The following RBFOX2 variants were observed in gnomAD, a reference collection of about 807,000 sequenced individuals.
RBFOX2 encodes the protein RNA binding fox-1 homolog 2.
Under a neutral mutation model 49.1 loss-of-function variants are expected in RBFOX2, and 10 were observed. The observed-to-expected ratio is 0.20, with a 90% CI of 0.13 to 0.35. RBFOX2 has a LOEUF of 0.35. Among genes scored for constraint, RBFOX2 ranks in the 10% least tolerant of loss-of-function variants. The pLI is 1.00. For missense variants in RBFOX2, 323 were observed against 486.9 expected, an observed-to-expected ratio of 0.66 and a Z score of 3.17; for synonymous variants, 183 against 187.4, an observed-to-expected ratio of 0.98 and a Z score of 0.19.
At chr22:35,833,429 G>A (rs2148707835) in intron 1 of RBFOX2, among the ~76,000 whole-genome samples, 1 of 152,224 alleles carries the variant, frequency 6.6e-6, no homozygotes, top group South Asian at 2.1e-4. Context: ...GCCAACAATG[G>A]AACTATTTAT....
intron 1 of RBFOX2, among the ~76,000 whole-genome samples, chr22:35,902,372 C>T (rs1316981719): frequency 6.6e-6 from 1 of 152,196 alleles, no homozygotes; most frequent in Non-Finnish European, 1.5e-5. Flanking sequence ...CCTGACACAA[C>T]TCCAATCCTG....
rs557860200 is a variant in RBFOX2, at chr22:35,990,873, C to T, written c.186+37367G>A. ...GCTTTTAAGGAACAGGGAATTTCAC[C>T]CAAGGGTATAGGATTTTATGTAAGC... On this transcript the variant is annotated intron_variant, in intron 1 of 13. Coordinates refer to the RBFOX2 transcript ENST00000438146. 1.6e-4 allele frequency among the ~76,000 whole-genome samples: 24 copies of T among 152,128 alleles called. 2 individuals carry two copies. In the South Asian group the frequency reaches 5.0e-3, roughly 32 times the overall value.
rs552430332 is a variant in RBFOX2 at position 35,958,832 on chromosome 22, T to C, written c.42+2731A>G. On this transcript the variant is annotated intron_variant, in intron 1 of 5. Coordinates refer to the RBFOX2 transcript ENST00000408983. ...GAATTCATAAAAGAGCTGCCTGTCA[T>C]ATCTCGTTATACTTTGATTCCTGTA... is the stretch of plus-strand genomic sequence containing the variant. Among the ~76,000 whole-genome samples, 7 of 152,316 alleles carry C rather than the reference T, an allele frequency of 4.6e-5. No individual in the cohort carries two copies. In the East Asian group the frequency reaches 1.3e-3, roughly 29 times the overall value.
intron 1 of RBFOX2, among the ~76,000 whole-genome samples, chr22:35,816,635 G>A (rs1953116034): frequency 1.3e-5 from 2 of 152,060 alleles, no homozygotes; most frequent in Non-Finnish European, 2.9e-5. Context: ...CTAAGAGTTC[G>A]CTTTTCACTT....
At chr22:36,011,679 A>AG (rs148862045) in intron 1 of RBFOX2, among the ~76,000 whole-genome samples, 20,062 of 152,072 alleles carry the variant, frequency 0.13, 2,858 homozygotes, top group African/African-American at 0.36. Flanking sequence ...CAGCTAGGAG[A>AG]GGGAGAGATT....
intron 1 of RBFOX2, among the ~76,000 whole-genome samples, chr22:36,013,996 G>A (rs896816225): frequency 1.3e-5 from 2 of 151,634 alleles, no homozygotes; most frequent in African/African-American, 2.4e-5. Context: ...GCATCACAAC[G>A]TCTGCTTATG....
At chr22:35,906,031 T>C (rs931034811) in intron 1 of RBFOX2, among the ~76,000 whole-genome samples, 8 of 152,166 alleles carry the variant, frequency 5.3e-5, no homozygotes, top group Non-Finnish European at 1.0e-4. Flanking sequence ...CAGGTATATA[T>C]CTAGGTTTGT....
exon 1 of RBFOX2, chr22:35,840,461 G>C: frequency 7.1e-7 from 1 of 1,411,546 alleles, no homozygotes; most frequent in Non-Finnish European, 9.2e-7. Context: ...GCAGATGGCT[G>C]AAGGAAGCCC....
intron 1 of RBFOX2, among the ~76,000 whole-genome samples, chr22:36,023,170 G>A (rs1256903350): frequency 6.6e-6 from 1 of 152,132 alleles, no homozygotes; most frequent in African/African-American, 2.4e-5. Flanking sequence ...ATCCACCTAT[G>A]AGGAAATAAG....
chr22:35,778,657 G>C (rs79212098), intron 3 of RBFOX2, among the ~76,000 whole-genome samples: 2 of 151,066 alleles, frequency 1.3e-5, no homozygotes, highest in Admixed American at 6.6e-5. Context: ...AAAAAAAAAA[G>C]ATGGAGTCTT....
At chr22:35,934,082 C>T (rs909686214) in intron 1 of RBFOX2, among the ~76,000 whole-genome samples, 3 of 150,428 alleles carry the variant, frequency 2.0e-5, no homozygotes, top group Non-Finnish European at 3.0e-5. Context: ...TGTAAAAGAC[C>T]GGGCAAGAAG....
At chr22:35,956,948 T>C (rs180802331) in intron 1 of RBFOX2, among the ~76,000 whole-genome samples, 1 of 152,342 alleles carries the variant, frequency 6.6e-6, no homozygotes, top group Non-Finnish European at 1.5e-5. Context: ...CTCCCCTTCT[T>C]TAACTGTTAA....
At chr22:35,862,971 A>G (rs529031181) in intron 1 of RBFOX2, among the ~76,000 whole-genome samples, 1 of 152,282 alleles carries the variant, frequency 6.6e-6, no homozygotes, top group South Asian at 2.1e-4. Context: ...CATTTAAAAG[A>G]GATTGAGAAT....
At chr22:35,837,955 T>C (rs1350500013) in intron 1 of RBFOX2, among the ~76,000 whole-genome samples, 1 of 152,152 alleles carries the variant, frequency 6.6e-6, no homozygotes, top group Non-Finnish European at 1.5e-5. Flanking sequence ...CACACTACAC[T>C]TACCAGCTCC....
chr22:35,850,761 A>C (rs1049087040), intron 1 of RBFOX2, among the ~76,000 whole-genome samples: 2 of 152,202 alleles, frequency 1.3e-5, no homozygotes, highest in African/African-American at 4.8e-5. Flanking sequence ...TGGCTTTCAG[A>C]GCCTAAATGG....
intron 1 of RBFOX2, among the ~76,000 whole-genome samples, chr22:35,886,005 C>T (rs1281428510): frequency 6.6e-6 from 1 of 151,604 alleles, no homozygotes; most frequent in Non-Finnish European, 1.5e-5. Flanking sequence ...TACAGGCACC[C>T]ACCACCACAT....
At chr22:35,898,538 A>G in intron 1 of RBFOX2, 1 of 248,784 alleles carries the variant, frequency 4.0e-6, no homozygotes, top group Non-Finnish European at 7.6e-6. Context: ...CGATCCTCTC[A>G]CCTCAGCCTC....
exon 12 of RBFOX2, chr22:35,741,230 G>A (rs1334067278): frequency 6.6e-6 from 1 of 152,220 alleles, no homozygotes; most frequent in African/African-American, 2.4e-5. Context: ...TTCACTAGAG[G>A]CCTCCTTTAA....
intron 2 of RBFOX2, among the ~76,000 whole-genome samples, chr22:35,807,382 A>T (rs1000840163): frequency 3.9e-5 from 6 of 151,932 alleles, no homozygotes; most frequent in African/African-American, 7.3e-5. Context: ...TCAATAAATT[A>T]AAAAAAATTG....
Sources: allele counts gnomAD v4.1 joint callset (sites outside exome capture counted in the v4.1 genomes callset), GRCh38; gene constraint gnomAD v4.1.1; transcripts MANE v1.5; gene names NCBI Gene and HGNC (gene_info 2026-07-23, HGNC 2026-07-21).